The following FGF14 variants were observed in gnomAD, a reference collection of about 807,000 sequenced individuals.
FGF14 encodes fibroblast growth factor homologous factor 4.
Under a neutral mutation model 25.5 loss-of-function variants are expected in FGF14, and 5 were observed. That is an observed-to-expected ratio of 0.20 (90% CI 0.10 to 0.41). FGF14 has a LOEUF of 0.41. Ranked by LOEUF, FGF14 falls within the 10% of genes least tolerant of loss-of-function variation. FGF14 has a pLI of 1.00. For synonymous variants in FGF14, 138 were observed against 118.3 expected (o/e 1.17, Z -1.08); for missense variants, 222 against 320.1 (o/e 0.69, Z 2.34).
intron 3 of FGF14, among the ~76,000 whole-genome samples, chr13:101,809,852 T>C (rs1425706131): frequency 6.6e-6 from 1 of 151,864 alleles, no homozygotes; most frequent in South Asian, 2.1e-4. Context: ...CCCTATAAGG[T>C]TTTTTTTCCA....
At chr13:102,396,733 A>G (rs1201345205) in intron 1 of FGF14, among the ~76,000 whole-genome samples, 1 of 152,234 alleles carries the variant, frequency 6.6e-6, no homozygotes, top group East Asian at 1.9e-4. Flanking sequence ...CATTGTTAAA[A>G]CTAAGTTTAG....
intron 1 of FGF14, among the ~76,000 whole-genome samples, chr13:102,331,631 T>G (rs554518998): frequency 2.2e-4 from 33 of 152,190 alleles, no homozygotes; most frequent in Admixed American, 2.1e-3. Context: ...TTATTTCTCA[T>G]GCCATCTTTA....
intron 1 of FGF14, among the ~76,000 whole-genome samples, chr13:102,108,392 A>AGAATTACAT (rs1389460996): frequency 6.6e-6 from 1 of 152,242 alleles, no homozygotes; most frequent in Non-Finnish European, 1.5e-5. Flanking sequence ...TGAAAGACAC[A>AGAATTACAT]GAATTACATA....
At position 101,719,185 on chromosome 13, in the gene FGF14, AAAGAAT is replaced by A. The variant is rs1204534791; in HGVS notation, c.*3640_*3645del. The A allele has an allele frequency of 1.1e-4, 16 of 152,132 alleles. No homozygotes were observed. The highest frequency in any genetic ancestry group is 2.9e-4 in the African/African-American group (12 of 41,448). The allele number at this position is 152,132 out of a possible 1,614,324, so 9.4% of individuals were successfully genotyped here. A position where few individuals can be genotyped will look rare whatever the true frequency, so the allele number is the denominator to read the frequency against. On this transcript the variant is annotated 3_prime_UTR_variant, in exon 5 of 5. Coordinates refer to ENST00000376143, the MANE Select transcript of FGF14 (RefSeq NM_004115.4). ...GAAGTGATACGTGTCTAACTTACTT[AAAGAAT>A]AAGTTTTTGGTTTTTGCTTTTAAAG... is the stretch of plus-strand genomic sequence containing the variant.
At chr13:102,030,828 G>A (rs1228651840) in intron 1 of FGF14, among the ~76,000 whole-genome samples, 1 of 151,974 alleles carries the variant, frequency 6.6e-6, no homozygotes, top group Non-Finnish European at 1.5e-5. Context: ...AAAAATCTAG[G>A]CTCCTGAGGT....
At chr13:101,836,880 G>A (rs970568941) in intron 3 of FGF14, among the ~76,000 whole-genome samples, 2 of 151,988 alleles carry the variant, frequency 1.3e-5, no homozygotes, top group Admixed American at 1.3e-4. Context: ...AATGTAATAT[G>A]TAATGATGAT....
chr13:101,838,794 C>T (rs971234900), intron 3 of FGF14, among the ~76,000 whole-genome samples: 1 of 151,994 alleles, frequency 6.6e-6, no homozygotes, highest in African/African-American at 2.4e-5. Context: ...AATTAAAACT[C>T]CTAAATAATG....
chr13:102,385,942 T>C (rs2058290772), intron 1 of FGF14, among the ~76,000 whole-genome samples: 2 of 152,166 alleles, frequency 1.3e-5, no homozygotes, highest in African/African-American at 4.8e-5. Context: ...AATTTTGCCA[T>C]AATGTAATAT....
intron 1 of FGF14, among the ~76,000 whole-genome samples, chr13:102,247,809 A>G (rs2051958311): frequency 6.6e-6 from 1 of 152,146 alleles, no homozygotes; most frequent in South Asian, 2.1e-4. Flanking sequence ...TTGCGGCACT[A>G]TTCATAACAG....
intron 1 of FGF14, among the ~76,000 whole-genome samples, chr13:102,126,869 G>A (rs2045970401): frequency 1.3e-5 from 2 of 152,150 alleles, no homozygotes; most frequent in South Asian, 4.1e-4. Context: ...TGTCCCATCT[G>A]GTGGTAGACG....
intron 1 of FGF14, among the ~76,000 whole-genome samples, chr13:101,940,987 T>G (rs1338986055): frequency 6.6e-6 from 1 of 152,118 alleles, no homozygotes; most frequent in East Asian, 1.9e-4. Context: ...TGGGGACATC[T>G]CTAAGACTTA....
At chr13:102,049,292 A>C (rs1201440353) in intron 1 of FGF14, among the ~76,000 whole-genome samples, 1 of 152,192 alleles carries the variant, frequency 6.6e-6, no homozygotes, top group African/African-American at 2.4e-5. Flanking sequence ...CAGTCAATAA[A>C]TGTGCTCTTT....
At chr13:102,129,990 C>T (rs2046123920) in intron 1 of FGF14, among the ~76,000 whole-genome samples, 1 of 152,152 alleles carries the variant, frequency 6.6e-6, no homozygotes, top group Non-Finnish European at 1.5e-5. Flanking sequence ...ACAAATGTAG[C>T]AGCTTAAAAC....
chr13:102,161,576 A>AAGAAGAAGAAAGAAGAAGAAAGAAGAAG (rs2047660188), intron 1 of FGF14, among the ~76,000 whole-genome samples: 1 of 2,826 alleles, frequency 3.5e-4, no homozygotes, highest in Non-Finnish European at 5.4e-4. Flanking sequence ...GAAGAAAGAA[A>AAGAAGAAGAAAGAAGAAGAAAGAAGAAG]GAAGAAGAAG....
intron 1 of FGF14, among the ~76,000 whole-genome samples, chr13:102,035,071 T>C (rs763410787): frequency 1.3e-5 from 2 of 152,100 alleles, no homozygotes; most frequent in Non-Finnish European, 2.9e-5. Flanking sequence ...TTTTAAGAAC[T>C]TGAAATAATA....
chr13:102,346,126 AT>A (rs545200166), intron 1 of FGF14, among the ~76,000 whole-genome samples: 2 of 152,306 alleles, frequency 1.3e-5, no homozygotes, highest in Admixed American at 6.5e-5. Flanking sequence ...ATCCTGAAGT[AT>A]TTTGGTTGAA....
chr13:101,996,367 T>C (rs534381420), intron 1 of FGF14, among the ~76,000 whole-genome samples: 31 of 152,234 alleles, frequency 2.0e-4, no homozygotes, highest in African/African-American at 7.0e-4. Context: ...AATTCCCTTA[T>C]TTTTGGAATC....
Position 101,790,410 on chromosome 13 carries a change from T to A in FGF14, c.409-63600A>T, listed in dbSNP as rs913450672. On this transcript the variant is annotated intron_variant, in intron 3 of 4. Coordinates refer to ENST00000376143, the MANE Select transcript of FGF14 (RefSeq NM_004115.4). ...TTACTAGCTGGCTCTATTCATTTTC[T>A]TTTTTTTTTTTTTTTAACTTTTGTT... Among the ~76,000 whole-genome samples, 4 of 11,636 alleles carry A rather than the reference T, an allele frequency of 3.4e-4. No homozygotes were observed. In the Admixed American group the frequency reaches 3.8e-3, roughly 11 times the overall value. 7.6% of individuals were successfully genotyped at this position (11,636 alleles called of 152,430 possible).
chr13:102,296,475 C>T (rs1261171434), intron 1 of FGF14, among the ~76,000 whole-genome samples: 1 of 152,130 alleles, frequency 6.6e-6, no homozygotes, highest in African/African-American at 2.4e-5. Flanking sequence ...TTGATAATCC[C>T]TGATGTACTG....
Sources: gnomAD v4.1 joint callset for allele counts (sites outside exome capture counted in the v4.1 genomes callset) on GRCh38, gnomAD v4.1.1 for gene constraint, MANE v1.5 for transcripts, NCBI Gene and HGNC (gene_info 2026-07-23, HGNC 2026-07-21) for gene names.